Variants in NEB observed in about 807,000 individuals in gnomAD.
NEB encodes nemaline myopathy type 2.
Under a neutral mutation model 952.2 loss-of-function variants are expected in NEB, and 512 were observed. The observed-to-expected ratio is 0.54, with a 90% CI of 0.50 to 0.58. The LOEUF (loss-of-function observed/expected upper bound fraction) is 0.58. NEB is among the 20% of genes least tolerant of loss of function. The pLI is 0.00. For missense variants in NEB, 8,428 were observed against 9,231.1 expected (o/e 0.91, Z 3.56); for synonymous variants, 2,900 against 3,149.8 (o/e 0.92, Z 2.66).
intron 63 of NEB, among the ~76,000 whole-genome samples, chr2:151,638,801 C>G (rs2098807754): frequency 1.3e-5 from 1 of 77,760 alleles, no homozygotes; most frequent in Non-Finnish European, 2.5e-5. Flanking sequence ...AGATATTTCT[C>G]TCTCTCTGTG....
At chr2:151,653,945 T>G in intron 52 of NEB, 47 bp downstream of exon 52, 1 of 1,260,824 alleles carries the variant, frequency 7.9e-7, no homozygotes, top group Non-Finnish European at 1.2e-6. Context: ...TTAAGTCACC[T>G]GATTCAGATA....
intron 107 of NEB, among the ~76,000 whole-genome samples, chr2:151,572,568 C>G (rs2096674173): frequency 1.5e-5 from 2 of 134,964 alleles, no homozygotes; most frequent in Admixed American, 1.5e-4. Context: ...TTTTTTTTGA[C>G]AGAGTCTCGC....
chr2:151,568,397 C>T lies in NEB; in HGVS notation c.17655G>A (p.Trp5885Ter). Reference sequence around the variant, plus strand: ...GGGTGTACTTTGATTTGGTGGCATTCCAGTCTTTCCGGTATTTAATCTAAA... The same window carrying T: ...GGGTGTACTTTGATTTGGTGGCATTTCAGTCTTTCCGGTATTTAATCTAAA... ...ILDDIKYRKDWNATKSKYTLT... is the reference protein window; with the variant it reads ...ILDDIKYRKD The change falls in exon 112 of 182, where the codon TGG becomes TGA. Residue 5885 changes from tryptophan to a stop codon, truncating the protein, a stop_gained. Transcript: ENST00000397345. LOFTEE classifies it high-confidence loss of function. 6.2e-7 allele frequency: 1 copy of T among 1,605,702 alleles called. No homozygotes were observed. Among genetic ancestry groups the T allele is most frequent in the Non-Finnish European group, 8.5e-7 (1 of 1,177,966 alleles).
At chr2:151,673,580 T>C (rs1269180670) in intron 36 of NEB, among the ~76,000 whole-genome samples, 1 of 152,146 alleles carries the variant, frequency 6.6e-6, no homozygotes, top group Non-Finnish European at 1.5e-5. Context: ...ACAAGGAAAG[T>C]AGCAGAGTTT....
At chr2:151,726,818 G>C (rs988588170) in intron 5 of NEB, among the ~76,000 whole-genome samples, 3 of 152,084 alleles carry the variant, frequency 2.0e-5, no homozygotes, top group African/African-American at 7.2e-5. Context: ...CTGTGGCCAG[G>C]AGTTTACGAC....
rs913330231 is a variant in NEB at position 151,549,856 on chromosome 2, T to A, written c.19945-116A>T. 1.1e-5 allele frequency: 7 copies of A among 641,512 alleles called. No individual in the cohort carries two copies. The East Asian group carries it at 1.9e-4, about 18-fold the overall frequency. The allele number at this position is 641,512 out of a possible 1,614,324, so 39.7% of individuals were successfully genotyped here. On this transcript the variant is annotated intron_variant, in intron 129 of 181. Transcript: ENST00000397345. ...TTTGACTAGATACTTAATACACTTA[T>A]GCTCACTGAATTGATTTCAGGAGAG... is the stretch of plus-strand genomic sequence containing the variant.
chr2:151,534,564 T>C (rs2092681357), intron 142 of NEB, among the ~76,000 whole-genome samples: 1 of 152,164 alleles, frequency 6.6e-6, no homozygotes, highest in Non-Finnish European at 1.5e-5. Flanking sequence ...GCCCAAACAT[T>C]TTCCATCTTT....
chr2:151,692,007 T>C lies in NEB; in HGVS notation c.2107-39A>G, dbSNP rs373634428. 280 of 1,605,274 alleles carry C rather than the reference T, an allele frequency of 1.7e-4. 2 individuals are homozygous for C. Among genetic ancestry groups the C allele is most frequent in the South Asian group, 1.6e-3 (149 of 90,852 alleles). ...AACCAAAAATAGATCATGATTGTTATGGCTCTCAAACAATGTCACTGTGAG... is the reference window on the plus strand; with the variant it reads ...AACCAAAAATAGATCATGATTGTTACGGCTCTCAAACAATGTCACTGTGAG... On this transcript the variant is annotated intron_variant, in intron 22 of 181. Coordinates refer to ENST00000397345, the MANE Select transcript of NEB (RefSeq NM_001164508.2).
At chr2:151,497,791 G>A in intron 170 of NEB, 73 bp from the exon 171 acceptor site, 1 of 1,537,776 alleles carries the variant, frequency 6.5e-7, no homozygotes, top group East Asian at 2.5e-5. Context: ...TTAAGGATGA[G>A]GAAAAAACAC....
At position 151,518,979 on chromosome 2, in the gene NEB, GGCTTGT is replaced by G; in HGVS notation, c.22675_22680del (p.Thr7559_Ser7560del). The G allele has an allele frequency of 6.2e-7, 1 of 1,612,208 alleles. No homozygotes were observed. Among genetic ancestry groups the G allele is most frequent in the Non-Finnish European group, 8.5e-7 (1 of 1,178,354 alleles). ...ACTGAGCTTACAGAACTGGCAAGTT[GGCTTGT>G]ATTCAGGACATGATTCATGATCAGA... On this transcript the variant is annotated inframe_deletion, in exon 155 of 182. Coordinates refer to ENST00000397345, the MANE Select transcript of NEB (RefSeq NM_001164508.2).
At position 151,501,477 on chromosome 2, in the gene NEB, A is replaced by G; in HGVS notation, c.23935T>C (p.Tyr7979His). The change falls in exon 168 of 182, where the codon TAC (tyrosine) becomes CAC (histidine). Residue 7979 changes from tyrosine to histidine, a missense_variant. This residue lies in a region of NEB where 3,374 missense variants were observed against 3,651.5 expected (regional missense o/e 0.92). Coordinates refer to ENST00000397345, the MANE Select transcript of NEB (RefSeq NM_001164508.2). ...RNQENFSSIL[Y>H]KENLSKGTPL... ...GTCCCCTTGCTCAAGTTCTCTTTGT[A>G]CAATATCTGTGTGCACAAAACCAAC... The G allele has an allele frequency of 6.7e-7, 1 of 1,501,396 alleles. No individual in the cohort carries two copies. The highest frequency in any genetic ancestry group is 8.9e-7 in the Non-Finnish European group (1 of 1,118,248). 93.0% of individuals were successfully genotyped at this position (1,501,396 alleles called of 1,614,324 possible).
At chr2:151,555,472 G>A (rs1438168467) in intron 124 of NEB, among the ~76,000 whole-genome samples, 1 of 152,142 alleles carries the variant, frequency 6.6e-6, no homozygotes, top group Non-Finnish European at 1.5e-5. Context: ...TTTAATAACT[G>A]AAAAGTCTGC....
chr2:151,707,407 A>G (rs1230817855), intron 12 of NEB, among the ~76,000 whole-genome samples: 1 of 152,118 alleles, frequency 6.6e-6, no homozygotes, highest in Admixed American at 6.5e-5. Flanking sequence ...CCAGCTACCT[A>G]CCTGCCAACA....
At chr2:151,704,559 G>A (rs55641952) in intron 13 of NEB, among the ~76,000 whole-genome samples, 7,022 of 149,914 alleles carry the variant, frequency 0.047, 343 homozygotes, top group East Asian at 0.26. Context: ...ATATAATCTC[G>A]TGGTGCGCCG....
chr2:151,501,326 A>AGAT, intron 168 of NEB, 65 bp downstream of exon 168: 3 of 1,059,362 alleles, frequency 2.8e-6, no homozygotes, highest in Non-Finnish European at 4.3e-6. Context: ...ATGAACAGTG[A>AGAT]GATGTTCTGT....
At chr2:151,663,008 A>G (rs556432184) in intron 45 of NEB, among the ~76,000 whole-genome samples, 1 of 152,112 alleles carries the variant, frequency 6.6e-6, no homozygotes, top group South Asian at 2.1e-4. Flanking sequence ...CACCTCTCCA[A>G]CCATCAAATG....
intron 29 of NEB, 53 bp downstream of exon 29, chr2:151,682,609 G>A: frequency 2.1e-6 from 3 of 1,418,308 alleles, no homozygotes; most frequent in Non-Finnish European, 2.0e-6. Context: ...GCTTTTGAGA[G>A]CTTTAACACA....
intron 153 of NEB, among the ~76,000 whole-genome samples, chr2:151,523,991 C>G (rs569227724): frequency 8.5e-5 from 13 of 152,104 alleles, no homozygotes; most frequent in African/African-American, 2.7e-4. Flanking sequence ...AATCAGACCC[C>G]GAGGATGAAA....
intron 152 of NEB, 23 bp from the exon 153 acceptor site, chr2:151,524,438 G>A: frequency 2.5e-6 from 4 of 1,612,702 alleles, no homozygotes; most frequent in Non-Finnish European, 2.5e-6. Context: ...AAACCAAAAT[G>A]GGCAACAGGT....
Sources: allele counts gnomAD v4.1 joint callset (sites outside exome capture counted in the v4.1 genomes callset), GRCh38; gene constraint gnomAD v4.1.1; regional missense constraint gnomAD v4.1.1; transcripts MANE v1.5; gene names NCBI Gene and HGNC (gene_info 2026-07-23, HGNC 2026-07-21).